The following COL15A1 variants were observed in gnomAD, a reference collection of about 807,000 sequenced individuals.
COL15A1 encodes the protein collagen type XV alpha 1 chain.
In COL15A1, 111 loss-of-function variants were observed where a neutral mutation model predicts 165.9. The observed-to-expected ratio is 0.67, with a 90% confidence interval of 0.57 to 0.78. The LOEUF (loss-of-function observed/expected upper bound fraction) is 0.78. COL15A1 is among the 30% of genes least tolerant of loss of function. The pLI is 0.00. For synonymous variants in COL15A1, 659 were observed against 674.8 expected (o/e 0.98, Z 0.36); for missense variants, 1,745 against 1,789.7 (o/e 0.98, Z 0.45).
intron 2 of COL15A1, among the ~76,000 whole-genome samples, chr9:98,956,935 G>A (rs1014355099): frequency 6.6e-6 from 1 of 152,216 alleles, no homozygotes; most frequent in Non-Finnish European, 1.5e-5. Context: ...CTCTGATTGT[G>A]TTGCTCCCTG....
intron 2 of COL15A1, among the ~76,000 whole-genome samples, chr9:98,958,047 C>G (rs182490441): frequency 6.6e-6 from 1 of 152,202 alleles, no homozygotes; most frequent in East Asian, 1.9e-4. Context: ...AACCCTGTTA[C>G]GTTCAGGTCG....
intron 26 of COL15A1, 147 bp from the exon 27 acceptor site, chr9:99,047,639 G>T: frequency 2.5e-6 from 2 of 787,996 alleles, no homozygotes; most frequent in South Asian, 1.5e-5. Flanking sequence ...GAGGCCGCAG[G>T]CAGGGGCTTC....
Position 99,034,593 on chromosome 9 carries a change from A to T in COL15A1, c.2079+9A>T. 7.2e-7 allele frequency: 1 copy of T among 1,382,108 alleles called. No homozygotes were observed. Among genetic ancestry groups the T allele is most frequent in the African/African-American group, 1.8e-5 (1 of 56,030 alleles). The allele number at this position is 1,382,108 out of a possible 1,614,324, so 85.6% of individuals were successfully genotyped here. On this transcript the variant is annotated intron_variant, in intron 17 of 41. Transcript: ENST00000375001. ...GCTCAGTTGGTGAAAAGGTAAAAAA[A>T]AAAAAAAAAAAAAAAAAAAAAGAAC...
chr9:98,988,223 G>A (rs7023395), intron 4 of COL15A1, among the ~76,000 whole-genome samples: 72,768 of 152,034 alleles, frequency 0.48, 18,451 homozygotes, highest in African/African-American at 0.64. Flanking sequence ...TCGTTGGAAA[G>A]CCCCTGAGAG....
chr9:99,033,452 T>C (rs1215494721), intron 16 of COL15A1, among the ~76,000 whole-genome samples: 1 of 152,230 alleles, frequency 6.6e-6, no homozygotes, highest in Admixed American at 6.5e-5. Flanking sequence ...TTTCAACCTA[T>C]CTACCTTCTG....
intron 7 of COL15A1, among the ~76,000 whole-genome samples, chr9:99,001,626 T>C (rs1026446269): frequency 2.0e-5 from 3 of 152,226 alleles, no homozygotes; most frequent in Non-Finnish European, 4.4e-5. Context: ...TACTGTAGAC[T>C]AGGAAACTGC....
intron 2 of COL15A1, among the ~76,000 whole-genome samples, chr9:98,982,958 C>T (rs1838254522): frequency 6.6e-6 from 1 of 152,196 alleles, no homozygotes; most frequent in African/African-American, 2.4e-5. Context: ...ACTTTTTAGG[C>T]ATTTGGCATG....
At chr9:99,053,496 G>A (rs1825660333) in intron 31 of COL15A1, among the ~76,000 whole-genome samples, 1 of 152,226 alleles carries the variant, frequency 6.6e-6, no homozygotes. Flanking sequence ...GGAGGGAACA[G>A]ATCTTTCTGG....
chr9:98,997,468 G>A (rs987790869), intron 6 of COL15A1, among the ~76,000 whole-genome samples: 5 of 152,112 alleles, frequency 3.3e-5, no homozygotes, highest in African/African-American at 4.8e-5. Context: ...CTCCAACACC[G>A]ACAGCATACC....
At chr9:99,001,032 G>A in intron 7 of COL15A1, 81 bp downstream of exon 7, 3 of 747,964 alleles carry the variant, frequency 4.0e-6, no homozygotes, top group Admixed American at 2.0e-5. Context: ...ATTTTACTGA[G>A]CACCAGAGAG....
chr9:98,988,900 G>A, intron 4 of COL15A1, among the ~76,000 whole-genome samples: 1 of 151,970 alleles, frequency 6.6e-6, no homozygotes, highest in East Asian at 1.9e-4. Flanking sequence ...TCCAGCATGG[G>A]TGACAGAGTA....
At chr9:99,017,512 A>G (rs1038638440) in intron 11 of COL15A1, among the ~76,000 whole-genome samples, 1 of 152,170 alleles carries the variant, frequency 6.6e-6, no homozygotes, top group Non-Finnish European at 1.5e-5. Context: ...AAAAAAGGTG[A>G]AGAACAACTC....
At chr9:99,059,794 G>T in intron 35 of COL15A1, 95 bp from the exon 36 acceptor site, 1 of 1,374,502 alleles carries the variant, frequency 7.3e-7, no homozygotes, top group Non-Finnish European at 1.0e-6. Context: ...GCTGTGAATG[G>T]GGTTGAACAC....
intron 35 of COL15A1, among the ~76,000 whole-genome samples, chr9:99,057,368 C>T (rs1457538173): frequency 3.9e-5 from 6 of 152,228 alleles, no homozygotes; most frequent in East Asian, 3.9e-4. Flanking sequence ...GCCTTAGGGG[C>T]GTGAGAACCT....
intron 7 of COL15A1, 29 bp downstream of exon 7, chr9:99,000,980 A>T: frequency 2.1e-6 from 2 of 962,076 alleles, no homozygotes; most frequent in South Asian, 1.3e-5. Context: ...TCATTTGATT[A>T]GTCAGTAGTA....
At chr9:99,007,916 T>C (rs1838790295) in intron 9 of COL15A1, among the ~76,000 whole-genome samples, 2 of 152,188 alleles carry the variant, frequency 1.3e-5, no homozygotes, top group African/African-American at 4.8e-5. Context: ...TAATAAAAAT[T>C]GAAAAACATT....
intron 2 of COL15A1, among the ~76,000 whole-genome samples, chr9:98,958,326 C>T (rs1026560472): frequency 2.0e-5 from 3 of 152,174 alleles, no homozygotes; most frequent in Non-Finnish European, 4.4e-5. Context: ...GGCAGTGATT[C>T]GGCTCAGCTC....
intron 40 of COL15A1, among the ~76,000 whole-genome samples, chr9:99,068,200 G>T (rs1358952068): frequency 6.6e-6 from 1 of 152,128 alleles, no homozygotes; most frequent in Non-Finnish European, 1.5e-5. Flanking sequence ...GTGTGGTGGT[G>T]CATGCCTGTA....
chr9:99,034,639 T>TCC, intron 17 of COL15A1, 55 bp downstream of exon 17: 3 of 585,580 alleles, frequency 5.1e-6, no homozygotes, highest in South Asian at 3.3e-5. Context: ...CTCCTCCCCT[T>TCC]TCTTTGAGTT....
Sources: gnomAD v4.1 joint callset for allele counts (sites outside exome capture counted in the v4.1 genomes callset) on GRCh38, gnomAD v4.1.1 for gene constraint, MANE v1.5 for transcripts, NCBI Gene and HGNC (gene_info 2026-07-23, HGNC 2026-07-21) for gene names.